The following ARFGEF3 variants were observed in gnomAD, a reference collection of about 807,000 sequenced individuals.
ARFGEF3 encodes brefeldin A-inhibited guanine nucleotide-exchange protein 3.
ARFGEF3 carries 96 observed loss-of-function variants against 221.7 expected under a neutral mutation model. That is an observed-to-expected ratio of 0.43 (90% confidence interval 0.37 to 0.51). ARFGEF3 has a LOEUF of 0.51. ARFGEF3 is among the 20% of genes least tolerant of loss of function. The pLI, the probability that ARFGEF3 is intolerant of heterozygous loss-of-function variation, is 0.00. For synonymous variants in ARFGEF3, 1,145 were observed against 1,126.8 expected (o/e 1.02, Z -0.32); for missense variants, 2,410 against 2,789.9 (o/e 0.86, Z 3.07).
At chr6:138,196,682 G>A (rs939634288) in intron 2 of ARFGEF3, among the ~76,000 whole-genome samples, 2 of 152,120 alleles carry the variant, frequency 1.3e-5, no homozygotes, top group African/African-American at 4.8e-5. Context: ...TAAGTTAACT[G>A]TGGCTTACTG....
intron 17 of ARFGEF3, 97 bp downstream of exon 17, chr6:138,287,281 C>A: frequency 1.1e-6 from 1 of 884,088 alleles, no homozygotes; most frequent in South Asian, 1.5e-5. Context: ...CGTGCCTGTT[C>A]TGTGTGTGAT....
intron 12 of ARFGEF3, among the ~76,000 whole-genome samples, chr6:138,277,806 C>T (rs185593213): frequency 3.0e-4 from 46 of 152,168 alleles, no homozygotes; most frequent in African/African-American, 9.6e-4. Context: ...TAAATGCCAT[C>T]GAGGCCATTT....
At chr6:138,335,582 T>A (rs1377657372) in intron 33 of ARFGEF3, among the ~76,000 whole-genome samples, 2 of 149,956 alleles carry the variant, frequency 1.3e-5, no homozygotes, top group Non-Finnish European at 3.0e-5. Context: ...AGGTGGCACA[T>A]GCCTGTAATC....
intron 22 of ARFGEF3, among the ~76,000 whole-genome samples, chr6:138,301,045 AACAC>A (rs1779621197): frequency 6.6e-6 from 1 of 152,234 alleles, no homozygotes; most frequent in South Asian, 2.1e-4. Flanking sequence ...ACAAACAATA[AACAC>A]ACACAGGAAC....
chr6:138,308,486 A>G (rs1477630856), intron 23 of ARFGEF3, among the ~76,000 whole-genome samples: 2 of 152,172 alleles, frequency 1.3e-5, no homozygotes, highest in African/African-American at 2.4e-5. Flanking sequence ...TCCCTGCTCT[A>G]TAGACCAGCA....
At chr6:138,292,977 C>T (rs1045748414) in intron 19 of ARFGEF3, among the ~76,000 whole-genome samples, 2 of 152,124 alleles carry the variant, frequency 1.3e-5, no homozygotes, top group African/African-American at 4.8e-5. Context: ...GTCAATAGGA[C>T]CCAGAAACCA....
At position 138,262,891 on chromosome 6, in the gene ARFGEF3, G is replaced by T. The variant is rs150844047; in HGVS notation, c.1408G>T (p.Asp470Tyr). 1 of 1,613,336 alleles carries T rather than the reference G, an allele frequency of 6.2e-7. No homozygotes were observed. The highest frequency in any genetic ancestry group is 8.5e-7 in the Non-Finnish European group (1 of 1,179,536). The change falls in exon 12 of 34, where the codon GAT (aspartate) becomes TAT (tyrosine). Residue 470 changes from aspartate to tyrosine, a missense_variant. By Grantham distance (160) the Asp-to-Tyr change is radical. This residue lies in a region of ARFGEF3 where 570 missense variants were observed against 586.9 expected (regional missense o/e 0.97). Transcript: ENST00000251691. ...GAAGGATGGGGCTGAGTGGAGCCGA[G>T]ATTCCATGGAGATCAATGAGGCTGA... The part of the protein sequence containing the change: ...ELKDGAEWSR[D>Y]SMEINEADFR...
At chr6:138,330,775 TATTGGTACATAC>T (rs892401535) in intron 32 of ARFGEF3, among the ~76,000 whole-genome samples, 1 of 152,232 alleles carries the variant, frequency 6.6e-6, no homozygotes, top group Non-Finnish European at 1.5e-5. Flanking sequence ...TGGGGTCAAT[TATTGGTACATAC>T]CAAAAAAATG....
intron 22 of ARFGEF3, among the ~76,000 whole-genome samples, chr6:138,300,262 G>A (rs1779606158): frequency 1.3e-5 from 2 of 152,036 alleles, no homozygotes; most frequent in Non-Finnish European, 1.5e-5. Flanking sequence ...CTTAAGATAA[G>A]TTAACACCTA....
At chr6:138,235,678 A>C (rs974203884) in intron 5 of ARFGEF3, among the ~76,000 whole-genome samples, 1 of 152,216 alleles carries the variant, frequency 6.6e-6, no homozygotes, top group African/African-American at 2.4e-5. Context: ...AGTTCTATGA[A>C]TCTTACTAGT....
At chr6:138,211,586 G>C (rs1432977775) in intron 4 of ARFGEF3, among the ~76,000 whole-genome samples, 1 of 152,140 alleles carries the variant, frequency 6.6e-6, no homozygotes, top group East Asian at 1.9e-4. Flanking sequence ...TTCTATTAGG[G>C]CTCCAAATAC....
chr6:138,193,452 A>G (rs4896329), intron 2 of ARFGEF3, among the ~76,000 whole-genome samples: 37,187 of 152,168 alleles, frequency 0.24, 6,640 homozygotes, highest in African/African-American at 0.49. Context: ...TGGGTTCCAT[A>G]TAGGCAGGAA....
chr6:138,236,788 T>C (rs1394920513), intron 5 of ARFGEF3, among the ~76,000 whole-genome samples: 3 of 152,232 alleles, frequency 2.0e-5, no homozygotes, highest in East Asian at 1.9e-4. Flanking sequence ...TTTTCTTTTC[T>C]AAGCATGCAT....
chr6:138,196,870 G>A (rs921210597), intron 2 of ARFGEF3, among the ~76,000 whole-genome samples: 7 of 152,104 alleles, frequency 4.6e-5, no homozygotes, highest in Admixed American at 3.9e-4. Context: ...TTTCGCTCTT[G>A]TGGCCCAGGC....
chr6:138,289,700 G>T, intron 17 of ARFGEF3, 118 bp from the exon 18 acceptor site: 1 of 1,081,420 alleles, frequency 9.2e-7, no homozygotes. Flanking sequence ...GGAGGTGCTT[G>T]CTGCCACTGA....
rs1405851554 is a variant in ARFGEF3, at chr6:138,184,184, A to G, written c.137+13471A>G. On this transcript the variant is annotated intron_variant, in intron 2 of 33. Coordinates refer to ENST00000251691, the MANE Select transcript of ARFGEF3 (RefSeq NM_020340.5). Reference sequence around the variant, plus strand: ...TTTTTAAAATTATTCATTAAAAATAATAGCAAACCCATTTGATGTTAATAT... The same window carrying G: ...TTTTTAAAATTATTCATTAAAAATAGTAGCAAACCCATTTGATGTTAATAT... Among the ~76,000 whole-genome samples the G allele has an allele frequency of 1.3e-5, 2 of 152,350 alleles. 1 individual carries two copies. The highest frequency in any genetic ancestry group is 4.1e-4 in the South Asian group (2 of 4,826).
At chr6:138,229,969 G>A (rs1220451344) in intron 5 of ARFGEF3, 117 bp downstream of exon 5, 16 of 847,142 alleles carry the variant, frequency 1.9e-5, no homozygotes, top group Non-Finnish European at 2.5e-5. Context: ...GATTACTACC[G>A]TGGGGAATTT....
intron 22 of ARFGEF3, among the ~76,000 whole-genome samples, chr6:138,304,056 A>G (rs1216418723): frequency 1.3e-5 from 2 of 152,124 alleles, no homozygotes; most frequent in Non-Finnish European, 2.9e-5. Context: ...AAATGTTCAT[A>G]GTAACATTAT....
chr6:138,328,166 T>C (rs754854518), intron 32 of ARFGEF3, 24 bp downstream of exon 32: 2 of 1,570,940 alleles, frequency 1.3e-6, no homozygotes, highest in South Asian at 2.4e-5. Context: ...TCTCAACTCA[T>C]AGGGTGCTTA....
Sources: gnomAD v4.1 joint callset for allele counts (sites outside exome capture counted in the v4.1 genomes callset) on GRCh38, gnomAD v4.1.1 for gene constraint, gnomAD v4.1.1 regional missense constraint, MANE v1.5 for transcripts, NCBI Gene and HGNC (gene_info 2026-07-23, HGNC 2026-07-21) for gene names.